The following AKR1B10 variants were observed in gnomAD, a reference collection of about 807,000 sequenced individuals.
The protein encoded by AKR1B10 is ARP.
In AKR1B10, 39 loss-of-function variants were observed where a neutral mutation model predicts 38.9. That is an observed-to-expected ratio of 1.00 (90% confidence interval 0.78 to 1.31). AKR1B10 has a LOEUF of 1.31. Ranked by LOEUF, AKR1B10 falls within the 50% of genes most tolerant of loss-of-function variation. The pLI is 0.00. For missense variants in AKR1B10, 361 were observed against 382.6 expected (o/e 0.94, Z 0.47); for synonymous variants, 148 against 141.2 (o/e 1.05, Z -0.34).
Position 134,541,293 on chromosome 7 carries a change from G to T in AKR1B10, c.*204G>T, listed in dbSNP as rs1808144809. The T allele has an allele frequency of 2.0e-6, 1 of 507,604 alleles. No individual in the cohort carries two copies. The highest frequency in any genetic ancestry group is 2.0e-5 in the African/African-American group (1 of 50,446). 31.4% of individuals were successfully genotyped at this position (507,604 alleles called of 1,614,324 possible). A position where few individuals can be genotyped will look rare whatever the true frequency, so the allele number is the denominator to read the frequency against. ...AGAATATCACAGAAAAGCATGGCTT[G>T]AATAAGGAAATGACAATTTTTTCCA... On this transcript the variant is annotated 3_prime_UTR_variant, in exon 10 of 10. Coordinates refer to ENST00000359579, the MANE Select transcript of AKR1B10 (RefSeq NM_020299.5).
chr7:134,537,714 T>C, intron 7 of AKR1B10, 53 bp downstream of exon 7: 3 of 1,597,924 alleles, frequency 1.9e-6, no homozygotes, highest in Non-Finnish European at 2.6e-6. Flanking sequence ...TCCAGTCTCG[T>C]GTTTCATATC....
chr7:134,528,473 C>G (rs1179173409), intron 1 of AKR1B10, among the ~76,000 whole-genome samples: 2 of 152,164 alleles, frequency 1.3e-5, no homozygotes, highest in Admixed American at 1.3e-4. Context: ...CCTGTAATCC[C>G]AGCACTTTGG....
intron 4 of AKR1B10, 137 bp from the exon 5 acceptor site, chr7:134,536,512 TA>T: frequency 1.4e-6 from 2 of 1,390,310 alleles, no homozygotes; most frequent in Non-Finnish European, 1.9e-6. Flanking sequence ...GGCCCTGGAC[TA>T]AAATTTCCTG....
At chr7:134,539,168 G>C (rs1585758343) in intron 9 of AKR1B10, 151 bp downstream of exon 9, 8 of 817,166 alleles carry the variant, frequency 9.8e-6, no homozygotes, top group East Asian at 2.7e-5. Flanking sequence ...GGGTACCTGG[G>C]AATCACTGTG....
intron 7 of AKR1B10, 143 bp downstream of exon 7, chr7:134,537,804 T>C: frequency 1.0e-6 from 1 of 971,750 alleles, no homozygotes; most frequent in Non-Finnish European, 1.5e-6. Flanking sequence ...TTGAAGTCTG[T>C]TGGAACCTCT....
chr7:134,538,298 C>T lies in AKR1B10; in HGVS notation c.825+21C>T, dbSNP rs201188328. ...TTCAGGTAAGTTTCCGGCTGGTCGG[C>T]CCTGGTATTCCTCAGTGGAGTGGGG... On this transcript the variant is annotated intron_variant, in intron 8 of 9. Coordinates refer to ENST00000359579, the MANE Select transcript of AKR1B10 (RefSeq NM_020299.5). The T allele has an allele frequency of 2.5e-6, 4 of 1,604,332 alleles. No individual in the cohort carries two copies. In the South Asian group the frequency reaches 4.4e-5, roughly 18 times the overall value.
chr7:134,537,616 CAA>C lies in AKR1B10; in HGVS notation c.697_698del (p.Lys233AspfsTer2). On this transcript the variant is annotated frameshift_variant, in exon 7 of 10. Transcript: ENST00000359579. LOFTEE classifies it high-confidence loss of function. ...AAGACCCTTCCCTGCTGGAGGATCC[CAA>C]GATTAAGGAGATTGCTGCAAAGCAC... ...PEDPSLLEDP[K>X]IKEIAAKHKK... 1 of 1,614,046 alleles carries C rather than the reference CAA, an allele frequency of 6.2e-7. No individual in the cohort carries two copies.
chr7:134,530,553 C>A, intron 1 of AKR1B10, 90 bp from the exon 2 acceptor site: 2 of 1,447,910 alleles, frequency 1.4e-6, no homozygotes, highest in East Asian at 2.3e-5. Context: ...TTGCTTGAAC[C>A]TGGGAGTGTG....
rs1311265753 is a variant in AKR1B10 at position 134,532,015 on chromosome 7, G to A, written c.342G>A (p.Gln114=). Residue 114 remains glutamine, a synonymous_variant, in exon 3 of 10, where the codon CAG becomes CAA. Transcript: ENST00000359579. ...ACGTCTATCTTATTCACTGGCCACA[G>A]GGATTCAAGGTTTAAGACACTCTCT... ...YLDVYLIHWP[Q]GFKSGDDLFP... 2 of 1,614,116 alleles carry A rather than the reference G, an allele frequency of 1.2e-6. No individual in the cohort carries two copies. Among genetic ancestry groups the A allele is most frequent in the South Asian group, 1.1e-5 (1 of 91,072 alleles).
At chr7:134,539,863 A>G (rs567427888) in intron 9 of AKR1B10, among the ~76,000 whole-genome samples, 4 of 152,364 alleles carry the variant, frequency 2.6e-5, no homozygotes, top group Admixed American at 2.6e-4. Flanking sequence ...TATTACTGCC[A>G]GATCTGTAAT....
intron 1 of AKR1B10, among the ~76,000 whole-genome samples, chr7:134,529,589 C>T (rs907757518): frequency 6.6e-6 from 1 of 151,970 alleles, no homozygotes; most frequent in Non-Finnish European, 1.5e-5. Flanking sequence ...GGCAGCAGCT[C>T]GTTTCTTGTC....
rs1807870983 is a variant in AKR1B10, at chr7:134,531,994, C to A, written c.321C>A (p.Val107=). 1 of 1,614,018 alleles carries A rather than the reference C, an allele frequency of 6.2e-7. No individual in the cohort carries two copies. Among genetic ancestry groups the A allele is most frequent in the Middle Eastern group, 1.6e-4 (1 of 6,082 alleles). ...LKDLKLSYLD[V]YLIHWPQGFK... is the part of the protein sequence containing the mutation. ...ACCTGAAGCTGAGCTATCTGGACGTCTATCTTATTCACTGGCCACAGGGAT... is the reference window on the plus strand; with the variant it reads ...ACCTGAAGCTGAGCTATCTGGACGTATATCTTATTCACTGGCCACAGGGAT... The change falls in exon 3 of 10, where the codon GTC becomes GTA. Residue 107 remains valine, a synonymous_variant. Coordinates refer to ENST00000359579, the MANE Select transcript of AKR1B10 (RefSeq NM_020299.5).
At chr7:134,534,634 G>T (rs990027526) in intron 4 of AKR1B10, among the ~76,000 whole-genome samples, 2 of 152,174 alleles carry the variant, frequency 1.3e-5, no homozygotes, top group African/African-American at 4.8e-5. Flanking sequence ...ATATGTAAGC[G>T]TTGGATGTTT....
chr7:134,538,908 G>A lies in AKR1B10; in HGVS notation c.826-27G>A, dbSNP rs750711636. 2.1e-5 allele frequency: 34 copies of A among 1,613,460 alleles called. No individual in the cohort carries two copies. In the South Asian group the frequency reaches 2.5e-4, roughly 12 times the overall value. The stretch of plus-strand genomic sequence containing the variant: ...CCACAGCTAGAATGGCCTTACTGAT[G>A]ATGTATTGGAACTCCTACCTTTCCA... On this transcript the variant is annotated intron_variant, in intron 8 of 9. Transcript: ENST00000359579.
intron 4 of AKR1B10, among the ~76,000 whole-genome samples, chr7:134,533,799 T>G (rs1386517769): frequency 6.6e-6 from 1 of 152,190 alleles, no homozygotes; most frequent in Non-Finnish European, 1.5e-5. Context: ...CTGTTTCACG[T>G]CATTCACATT....
In AKR1B10 at chr7:134,532,939, C is replaced by A. The variant is rs111252230; in HGVS notation, c.352-65C>A. On this transcript the variant is annotated intron_variant, in intron 3 of 9. Transcript: ENST00000359579. ...TTTAGCAAGAGTCAGGATCCTGAAACCTTGTTGAACAGAACCAAGTGTCCT... is the reference window on the plus strand; with the variant it reads ...TTTAGCAAGAGTCAGGATCCTGAAAACTTGTTGAACAGAACCAAGTGTCCT... The A allele has an allele frequency of 1.1e-4, 150 of 1,414,294 alleles. No homozygotes were observed. In the African/African-American group the frequency reaches 1.3e-3, roughly 12 times the overall value. 87.6% of individuals were successfully genotyped at this position (1,414,294 alleles called of 1,614,324 possible).
chr7:134,530,056 C>A (rs1449521770), intron 1 of AKR1B10, among the ~76,000 whole-genome samples: 1 of 152,008 alleles, frequency 6.6e-6, no homozygotes, highest in Non-Finnish European at 1.5e-5. Flanking sequence ...ATTTTGCATA[C>A]AAGGTTTACA....
chr7:134,537,689 C>A, intron 7 of AKR1B10, 28 bp downstream of exon 7: 2 of 1,610,558 alleles, frequency 1.2e-6, no homozygotes, highest in Non-Finnish European at 1.7e-6. Context: ...TTCTTGTTAT[C>A]CAACAACTCA....
At chr7:134,529,102 T>G (rs1807777958) in intron 1 of AKR1B10, among the ~76,000 whole-genome samples, 1 of 152,040 alleles carries the variant, frequency 6.6e-6, no homozygotes, top group Non-Finnish European at 1.5e-5. Flanking sequence ...GTCTTTGGAG[T>G]TCCTCTTCTC....
Sources: allele counts gnomAD v4.1 joint callset (sites outside exome capture counted in the v4.1 genomes callset), GRCh38; gene constraint gnomAD v4.1.1; transcripts MANE v1.5; gene names NCBI Gene and HGNC (gene_info 2026-07-23, HGNC 2026-07-21).